Variants in CNTNAP2 observed in about 807,000 individuals in gnomAD.
The protein encoded by CNTNAP2 is contactin associated protein 2.
Under a neutral mutation model 155.2 loss-of-function variants are expected in CNTNAP2, and 98 were observed. The ratio of observed to expected loss-of-function variants is 0.63; its 90% CI spans 0.54 to 0.75. The LOEUF (loss-of-function observed/expected upper bound fraction) is 0.75. CNTNAP2 is among the 30% of genes least tolerant of loss of function. The probability of loss-of-function intolerance (pLI) is 0.00; values close to 1 mark genes in which losing one functional copy is unlikely to be tolerated. For synonymous variants in CNTNAP2, 651 were observed against 631.2 expected (o/e 1.03, Z -0.47); for missense variants, 1,727 against 1,688.1 (o/e 1.02, Z -0.40).
At chr7:147,406,965 A>G (rs151105840) in intron 10 of CNTNAP2, among the ~76,000 whole-genome samples, 28 of 152,290 alleles carry the variant, frequency 1.8e-4, no homozygotes, top group African/African-American at 6.3e-4. Flanking sequence ...TTATACTTTT[A>G]CTGTGATAGT....
intron 18 of CNTNAP2, among the ~76,000 whole-genome samples, chr7:148,198,265 C>T (rs1795308209): frequency 6.6e-6 from 1 of 152,140 alleles, no homozygotes; most frequent in Non-Finnish European, 1.5e-5. Context: ...CAATTCATAG[C>T]AATTTGTCTT....
At chr7:146,719,021 C>T (rs969137414) in intron 1 of CNTNAP2, among the ~76,000 whole-genome samples, 1 of 152,154 alleles carries the variant, frequency 6.6e-6, no homozygotes, top group South Asian at 2.1e-4. Context: ...GGATGGTTTA[C>T]ATTTATTAGC....
intron 8 of CNTNAP2, among the ~76,000 whole-genome samples, chr7:147,136,988 G>C (rs1563089699): frequency 1.3e-5 from 2 of 151,706 alleles, no homozygotes; most frequent in Admixed American, 6.6e-5. Flanking sequence ...TATTTAACAA[G>C]ATATGTTCTC....
At chr7:147,515,521 C>T (rs1209237896) in intron 11 of CNTNAP2, among the ~76,000 whole-genome samples, 1 of 151,834 alleles carries the variant, frequency 6.6e-6, no homozygotes, top group Admixed American at 6.6e-5. Flanking sequence ...TGGGGTTTTA[C>T]CATGTTGGCC....
intron 1 of CNTNAP2, among the ~76,000 whole-genome samples, chr7:146,562,086 G>T (rs1248932077): frequency 2.0e-5 from 3 of 151,992 alleles, no homozygotes; most frequent in Non-Finnish European, 4.4e-5. Context: ...GCTGCACCCG[G>T]CCCAAAAACA....
At chr7:147,562,289 T>A in intron 12 of CNTNAP2, 32 bp downstream of exon 12, 1 of 1,612,638 alleles carries the variant, frequency 6.2e-7, no homozygotes, top group Non-Finnish European at 8.5e-7. Flanking sequence ...TTTATGAAGA[T>A]GCTTTTCTAT....
chr7:147,542,357 A>G (rs1799656699), intron 11 of CNTNAP2, among the ~76,000 whole-genome samples: 2 of 151,902 alleles, frequency 1.3e-5, no homozygotes, highest in Non-Finnish European at 2.9e-5. Context: ...TTTGTACTGG[A>G]CAGCAGAAGT....
At chr7:147,049,708 T>C (rs927241135) in intron 4 of CNTNAP2, among the ~76,000 whole-genome samples, 1 of 152,168 alleles carries the variant, frequency 6.6e-6, no homozygotes, top group African/African-American at 2.4e-5. Context: ...CTGGGATCTA[T>C]CTTAAACCTG....
intron 21 of CNTNAP2, among the ~76,000 whole-genome samples, chr7:148,289,351 G>A (rs1406578415): frequency 6.6e-6 from 1 of 151,822 alleles, no homozygotes; most frequent in Non-Finnish European, 1.5e-5. Flanking sequence ...CTGCTTAAGA[G>A]ATGACCTGAA....
intron 1 of CNTNAP2, among the ~76,000 whole-genome samples, chr7:146,470,371 A>G (rs760306032): frequency 2.0e-5 from 3 of 152,296 alleles, no homozygotes; most frequent in Non-Finnish European, 4.4e-5. Context: ...AAACATCATT[A>G]ATGAAGGGCA....
intron 12 of CNTNAP2, among the ~76,000 whole-genome samples, chr7:147,609,307 G>A (rs1017218087): frequency 3.5e-4 from 53 of 152,228 alleles, no homozygotes; most frequent in African/African-American, 1.1e-3. Context: ...CGAGGTGGGC[G>A]GACCACGAGG....
chr7:146,148,074 T>C (rs1797981290), intron 1 of CNTNAP2, among the ~76,000 whole-genome samples: 1 of 152,146 alleles, frequency 6.6e-6, no homozygotes, highest in South Asian at 2.1e-4. Flanking sequence ...ATTTTAAAGA[T>C]ACCAAATTTG....
chr7:147,700,453 A>G (rs1250167356), intron 13 of CNTNAP2, among the ~76,000 whole-genome samples: 3 of 152,180 alleles, frequency 2.0e-5, no homozygotes, highest in African/African-American at 7.2e-5. Flanking sequence ...ATTCAACTAA[A>G]TTTTATACCT....
At chr7:146,176,872 G>T (rs1220316733) in intron 1 of CNTNAP2, among the ~76,000 whole-genome samples, 1 of 152,180 alleles carries the variant, frequency 6.6e-6, no homozygotes, top group East Asian at 1.9e-4. Context: ...TACACCATTT[G>T]AAAGAAGGTT....
intron 1 of CNTNAP2, among the ~76,000 whole-genome samples, chr7:146,644,794 C>T (rs1799780767): frequency 6.6e-6 from 1 of 152,128 alleles, no homozygotes; most frequent in African/African-American, 2.4e-5. Context: ...GAAGTTGACT[C>T]TCTGAATAGA....
chr7:147,336,332 T>A (rs1012631299), intron 9 of CNTNAP2, among the ~76,000 whole-genome samples: 3 of 152,126 alleles, frequency 2.0e-5, no homozygotes, highest in African/African-American at 7.2e-5. Flanking sequence ...TTGATTTCTT[T>A]TGTATTTGTA....
chr7:147,277,983 C>G (rs1804938081), intron 8 of CNTNAP2, among the ~76,000 whole-genome samples: 1 of 151,714 alleles, frequency 6.6e-6, no homozygotes, highest in South Asian at 2.1e-4. Flanking sequence ...GCAAATTGCT[C>G]TTGCTGAATT....
chr7:148,269,077 A>C (rs1796727518), intron 21 of CNTNAP2, among the ~76,000 whole-genome samples: 1 of 152,148 alleles, frequency 6.6e-6, no homozygotes, highest in African/African-American at 2.4e-5. Context: ...CCAGGAACAC[A>C]CCAGTCCGGC....
intron 12 of CNTNAP2, among the ~76,000 whole-genome samples, chr7:147,588,900 A>T (rs1247600707): frequency 1.3e-5 from 2 of 152,192 alleles, no homozygotes; most frequent in East Asian, 3.9e-4. Context: ...TGTAGGGACC[A>T]CGAAAAGAAT....
Sources: allele counts gnomAD v4.1 joint callset (sites outside exome capture counted in the v4.1 genomes callset), GRCh38; gene constraint gnomAD v4.1.1; transcripts MANE v1.5; gene names NCBI Gene and HGNC (gene_info 2026-07-23, HGNC 2026-07-21).